RTTN: variants seen among roughly 807,000 people sequenced by gnomAD.
The protein encoded by RTTN is rotatin.
In RTTN, 182 loss-of-function variants were observed where a neutral mutation model predicts 269.2. That is an observed-to-expected ratio of 0.68 (90% CI 0.60 to 0.76). RTTN has a LOEUF of 0.76. Ranked by LOEUF, RTTN falls within the 30% of genes least tolerant of loss-of-function variation. RTTN has a pLI of 0.00. For synonymous variants in RTTN, 1,006 were observed against 963.5 expected (o/e 1.04, Z -0.82); for missense variants, 2,545 against 2,608.6 (o/e 0.98, Z 0.53).
intron 10 of RTTN, 48 bp from the exon 11 acceptor site, chr18:70,176,893 G>A (rs927778135): frequency 8.1e-6 from 12 of 1,484,948 alleles, no homozygotes; most frequent in Non-Finnish European, 1.0e-5. Context: ...ACCAATTTTA[G>A]GGGCCAGTAT....
At chr18:70,117,282 T>A (rs1037842335) in intron 26 of RTTN, among the ~76,000 whole-genome samples, 6 of 152,126 alleles carry the variant, frequency 3.9e-5, no homozygotes, top group African/African-American at 1.4e-4. Context: ...TTTACTGAGC[T>A]TCTTAAATCA....
At chr18:70,065,384 T>C (rs1183907902) in intron 35 of RTTN, among the ~76,000 whole-genome samples, 1 of 151,916 alleles carries the variant, frequency 6.6e-6, no homozygotes, top group Non-Finnish European at 1.5e-5. Flanking sequence ...AAGTCCCAAG[T>C]TGTATATTGT....
chr18:70,131,223 A>T (rs1261521179), intron 23 of RTTN: 1 of 151,602 alleles, frequency 6.6e-6, no homozygotes, highest in Non-Finnish European at 1.5e-5. Context: ...TCTTAAAAAA[A>T]CAAATTCTCA....
chr18:70,159,673 T>C (rs1439698686), intron 14 of RTTN, among the ~76,000 whole-genome samples: 1 of 152,048 alleles, frequency 6.6e-6, no homozygotes, highest in Non-Finnish European at 1.5e-5. Context: ...ACAAGATTGA[T>C]ATATCATTAG....
Position 70,196,498 on chromosome 18 carries a change from T to C in RTTN, c.841+3A>G, listed in dbSNP as rs1484546935. On this transcript the variant is annotated splice_donor_region_variant and intron_variant, in intron 7 of 48. Coordinates refer to ENST00000640769, the MANE Select transcript of RTTN (RefSeq NM_173630.4). ...TGGCTAATGAACAGATAAAAATAAA[T>C]ACCGTGTTTATTGGAGAAAAAACCT... 2 of 1,604,430 alleles carry C rather than the reference T, an allele frequency of 1.2e-6. No individual in the cohort carries two copies. The highest frequency in any genetic ancestry group is 1.7e-4 in the Middle Eastern group (1 of 6,008).
chr18:70,052,103 T>C (rs549098016), intron 38 of RTTN, among the ~76,000 whole-genome samples: 7 of 152,304 alleles, frequency 4.6e-5, no homozygotes, highest in Admixed American at 1.3e-4. Flanking sequence ...GATGTAGCAA[T>C]TCTAGGATGA....
At chr18:70,097,434 C>T (rs755053857) in intron 28 of RTTN, among the ~76,000 whole-genome samples, 2 of 152,176 alleles carry the variant, frequency 1.3e-5, no homozygotes, top group Admixed American at 6.5e-5. Flanking sequence ...AACAGGGATA[C>T]CTGTTTATGT....
intron 46 of RTTN, among the ~76,000 whole-genome samples, chr18:70,011,875 T>C (rs1375693353): frequency 6.6e-6 from 1 of 152,000 alleles, no homozygotes; most frequent in South Asian, 2.1e-4. Flanking sequence ...GAGGGCAGCG[T>C]CTGCTCACTG....
intron 43 of RTTN, among the ~76,000 whole-genome samples, chr18:70,028,226 GA>G (rs556357811): frequency 3.5e-4 from 53 of 151,666 alleles, no homozygotes; most frequent in African/African-American, 1.3e-3. Flanking sequence ...ACATCTCAGT[GA>G]TTTTTAGACA....
chr18:70,145,501 T>C, intron 18 of RTTN, 111 bp downstream of exon 18: 1 of 758,634 alleles, frequency 1.3e-6, no homozygotes, highest in Middle Eastern at 3.3e-4. Flanking sequence ...TGAATCCCCA[T>C]ACTTCTCTCC....
In RTTN at chr18:70,204,273, G is replaced by A. The variant is rs1303751194; in HGVS notation, c.220-10C>T. ...GGACTGCTGGGGGATACTAAAATAA[G>A]AAGAGGATGATCTTGAGAATAACTG... On this transcript the variant is annotated splice_polypyrimidine_tract_variant and intron_variant, in intron 2 of 48. Coordinates refer to ENST00000640769, the MANE Select transcript of RTTN (RefSeq NM_173630.4). 1.3e-6 allele frequency: 2 copies of A among 1,593,116 alleles called. No homozygotes were observed. The highest frequency in any genetic ancestry group is 3.6e-5 in the Admixed American group (2 of 55,136).
intron 10 of RTTN, among the ~76,000 whole-genome samples, chr18:70,180,415 C>CT (rs1446111740): frequency 6.6e-6 from 1 of 152,116 alleles, no homozygotes; most frequent in Non-Finnish European, 1.5e-5. Context: ...AACCCAGTCT[C>CT]TGCTAAAAAT....
At chr18:70,204,389 G>T in intron 2 of RTTN, 126 bp from the exon 3 acceptor site, 1 of 856,682 alleles carries the variant, frequency 1.2e-6, no homozygotes, top group Non-Finnish European at 1.8e-6. Context: ...ATCCTTCATG[G>T]CTCTGCCCCG....
chr18:70,035,056 A>C (rs1308676658), intron 40 of RTTN, among the ~76,000 whole-genome samples: 1 of 152,256 alleles, frequency 6.6e-6, no homozygotes, highest in African/African-American at 2.4e-5. Flanking sequence ...TGCTGAAAGA[A>C]ATCAGTGGTG....
At chr18:70,191,066 C>A (rs1026736971) in intron 8 of RTTN, among the ~76,000 whole-genome samples, 4 of 152,000 alleles carry the variant, frequency 2.6e-5, no homozygotes, top group African/African-American at 9.7e-5. Flanking sequence ...TGGTGGCACA[C>A]ACCTGTAATC....
At chr18:70,184,698 A>T (rs2061493416) in intron 10 of RTTN, among the ~76,000 whole-genome samples, 3 of 56,132 alleles carry the variant, frequency 5.3e-5, no homozygotes, top group Non-Finnish European at 1.2e-4. Context: ...TCAAAACCAC[A>T]GCAGGTTTTT....
At chr18:70,191,546 C>CA (rs933206959) in intron 8 of RTTN, among the ~76,000 whole-genome samples, 4 of 151,946 alleles carry the variant, frequency 2.6e-5, no homozygotes, top group African/African-American at 4.8e-5. Flanking sequence ...AAAATGCACC[C>CA]AAAAAAACGG....
At chr18:70,008,286 C>T (rs978403925) in intron 46 of RTTN, 2 of 152,088 alleles carry the variant, frequency 1.3e-5, no homozygotes, top group Admixed American at 6.6e-5. Flanking sequence ...GATAAATCCA[C>T]GAAAATGAGG....
At position 70,145,716 on chromosome 18, in the gene RTTN, G is replaced by A. The variant is rs369947728; in HGVS notation, c.2377C>T (p.Arg793Cys). 4.2e-5 allele frequency: 68 copies of A among 1,613,214 alleles called. No individual in the cohort carries two copies. The highest frequency in any genetic ancestry group is 5.4e-5 in the Non-Finnish European group (64 of 1,179,532). Reference sequence around the variant, plus strand: ...AGAACTCTGGCGTCTATTAGAGGACGCTTTGTATCAGCCCCTTCTTCACTG... The same window carrying A: ...AGAACTCTGGCGTCTATTAGAGGACACTTTGTATCAGCCCCTTCTTCACTG... The part of the protein sequence containing the change: ...LTSEEGADTK[R>C]PLIDARVLSR... The change falls in exon 18 of 49, where the codon CGT becomes TGT. Residue 793 changes from arginine to cysteine, a missense_variant. Arg to Cys is a radical substitution (Grantham distance 180). Transcript: ENST00000640769.
Sources: allele counts gnomAD v4.1 joint callset (sites outside exome capture counted in the v4.1 genomes callset), GRCh38; gene constraint gnomAD v4.1.1; transcripts MANE v1.5; gene names NCBI Gene and HGNC (gene_info 2026-07-23, HGNC 2026-07-21).